ANO10: variants seen among roughly 807,000 people sequenced by gnomAD.
The protein encoded by ANO10 is anoctamin 10.
A neutral mutation model predicts 74.7 loss-of-function variants in ANO10; 77 were observed. The ratio of observed to expected loss-of-function variants is 1.03; its 90% confidence interval spans 0.86 to 1.25. The LOEUF (loss-of-function observed/expected upper bound fraction) is 1.25. Among genes scored for constraint, ANO10 ranks in the 50% most tolerant of loss-of-function variants. ANO10 has a pLI of 0.00. For missense variants in ANO10, 721 were observed against 778.1 expected (o/e 0.93, Z 0.87); for synonymous variants, 279 against 284.9 (o/e 0.98, Z 0.21).
chr3:43,591,640 G>A (rs1452237029), intron 4 of ANO10, among the ~76,000 whole-genome samples: 1 of 152,180 alleles, frequency 6.6e-6, no homozygotes, highest in Non-Finnish European at 1.5e-5. Context: ...TGGCCGAATA[G>A]GAAAAGCTCC....
intron 11 of ANO10, among the ~76,000 whole-genome samples, chr3:43,474,532 G>GTA (rs2075993410): frequency 6.6e-6 from 1 of 151,900 alleles, no homozygotes; most frequent in Admixed American, 6.6e-5. Context: ...CATTAACTTT[G>GTA]GTTGTCCATA....
intron 11 of ANO10, among the ~76,000 whole-genome samples, chr3:43,525,416 T>G (rs2078151390): frequency 6.6e-6 from 1 of 152,190 alleles, no homozygotes. Flanking sequence ...CTTTTACATC[T>G]ATCTGCATGA....
At chr3:43,625,229 T>A (rs1350191844), upstream of ANO10, among the ~76,000 whole-genome samples, 1 of 152,226 alleles carries the variant, frequency 6.6e-6, no homozygotes, top group Non-Finnish European at 1.5e-5. Flanking sequence ...TGCAGCAGAC[T>A]TTTTTCCTGG....
intron 11 of ANO10, among the ~76,000 whole-genome samples, chr3:43,490,686 A>G (rs1210786769): frequency 6.6e-6 from 1 of 152,238 alleles, no homozygotes; most frequent in Non-Finnish European, 1.5e-5. Context: ...TCACTTACAA[A>G]TATTGATGCA....
At chr3:43,443,934 G>A (rs986642600) in intron 11 of ANO10, among the ~76,000 whole-genome samples, 26 of 151,890 alleles carry the variant, frequency 1.7e-4, no homozygotes, top group African/African-American at 5.6e-4. Flanking sequence ...CACCTGCCTC[G>A]GCCTCCCAAA....
At chr3:43,581,700 G>A (rs1450815196) in intron 4 of ANO10, among the ~76,000 whole-genome samples, 1 of 152,044 alleles carries the variant, frequency 6.6e-6, no homozygotes, top group Admixed American at 6.6e-5. Context: ...GCGGAGTATT[G>A]CTTGAGGTCA....
intron 1 of ANO10, among the ~76,000 whole-genome samples, chr3:43,670,719 C>G (rs1221048543): frequency 6.6e-6 from 1 of 152,168 alleles, no homozygotes; most frequent in Non-Finnish European, 1.5e-5. Context: ...CATTTTGGCA[C>G]TAAAGTAGAT....
intron 9 of ANO10, among the ~76,000 whole-genome samples, chr3:43,559,729 AC>A (rs1303040503): frequency 6.6e-6 from 1 of 151,858 alleles, no homozygotes; most frequent in Non-Finnish European, 1.5e-5. Context: ...CAAGAATACC[AC>A]CCCCAAGCAT....
intron 11 of ANO10, among the ~76,000 whole-genome samples, chr3:43,462,329 A>C (rs774974750): frequency 1.3e-5 from 2 of 152,118 alleles, no homozygotes; most frequent in Admixed American, 6.6e-5. Flanking sequence ...TCCCAGGTTC[A>C]AGTGATTCTC....
intron 1 of ANO10, among the ~76,000 whole-genome samples, chr3:43,627,094 C>T (rs2083499574): frequency 6.6e-6 from 1 of 152,126 alleles, no homozygotes; most frequent in South Asian, 2.1e-4. Context: ...TCATAGCATC[C>T]CATTTTCCAC....
chr3:43,374,946 C>T (rs1416520172), intron 12 of ANO10, among the ~76,000 whole-genome samples: 2 of 151,900 alleles, frequency 1.3e-5, no homozygotes, highest in Non-Finnish European at 2.9e-5. Context: ...CATAGTGAAA[C>T]TCCGTCTCTA....
At chr3:43,583,540 G>A (rs2081350844) in intron 4 of ANO10, among the ~76,000 whole-genome samples, 1 of 152,186 alleles carries the variant, frequency 6.6e-6, no homozygotes. Context: ...TACTAACACA[G>A]TACTGCTTCT....
chr3:43,489,585 G>A (rs1351639817), intron 11 of ANO10, among the ~76,000 whole-genome samples: 1 of 152,110 alleles, frequency 6.6e-6, no homozygotes, highest in Non-Finnish European at 1.5e-5. Flanking sequence ...AGTGAAGGAA[G>A]ACACAAGGGG....
chr3:43,425,249 C>A (rs1188687961), intron 12 of ANO10, among the ~76,000 whole-genome samples: 2 of 145,676 alleles, frequency 1.4e-5, no homozygotes, highest in African/African-American at 5.1e-5. Context: ...TGCCATGTTG[C>A]CCAGGCTGGT....
At chr3:43,664,973 C>T (rs995438342) in intron 1 of ANO10, among the ~76,000 whole-genome samples, 4 of 152,162 alleles carry the variant, frequency 2.6e-5, no homozygotes, top group Non-Finnish European at 5.9e-5. Flanking sequence ...GTGGCAATTC[C>T]TCACGGATCT....
intron 11 of ANO10, among the ~76,000 whole-genome samples, chr3:43,469,014 T>G (rs2075745593): frequency 7.1e-6 from 1 of 140,648 alleles, no homozygotes; most frequent in Non-Finnish European, 1.5e-5. Flanking sequence ...CTGGCTGGAT[T>G]TTCAATCCTA....
intron 12 of ANO10, among the ~76,000 whole-genome samples, chr3:43,378,702 A>G (rs191016938): frequency 8.5e-5 from 13 of 152,260 alleles, no homozygotes; most frequent in African/African-American, 3.1e-4. Context: ...CCAGTTGAGA[A>G]GGGCTACCCC....
intron 12 of ANO10, among the ~76,000 whole-genome samples, chr3:43,367,252 G>A (rs1211410599): frequency 1.3e-5 from 2 of 152,216 alleles, no homozygotes; most frequent in Non-Finnish European, 2.9e-5. Context: ...TCCCTGGATG[G>A]CCAGGATGAG....
At chr3:43,572,749 C>T (rs374240353) in intron 7 of ANO10, among the ~76,000 whole-genome samples, 5 of 152,162 alleles carry the variant, frequency 3.3e-5, no homozygotes, top group African/African-American at 1.2e-4. Context: ...TACTTCCAAC[C>T]CAGTAGCATC....
Sources: gnomAD v4.1 joint callset for allele counts (sites outside exome capture counted in the v4.1 genomes callset) on GRCh38, gnomAD v4.1.1 for gene constraint, MANE v1.5 for transcripts, NCBI Gene and HGNC (gene_info 2026-07-23, HGNC 2026-07-21) for gene names.